RYR2: variants seen among roughly 807,000 people sequenced by gnomAD.
The protein encoded by RYR2 is ryanodine receptor 2.
In RYR2, 227 loss-of-function variants were observed where a neutral mutation model predicts 601.1. The observed-to-expected ratio is 0.38, with a 90% CI of 0.34 to 0.42. The LOEUF (loss-of-function observed/expected upper bound fraction) is 0.42, where lower values mean the gene tolerates loss of function less well. RYR2 is among the 10% of genes least tolerant of loss of function. RYR2 has a pLI of 1.00. For missense variants in RYR2, 4,646 were observed against 6,156.5 expected (o/e 0.75, Z 8.21); for synonymous variants, 2,223 against 2,175.1 (o/e 1.02, Z -0.61).
chr1:237,788,271 C>T (rs991374570), intron 92 of RYR2, 136 bp downstream of exon 92: 3 of 643,460 alleles, frequency 4.7e-6, no homozygotes, highest in Admixed American at 3.1e-5. Context: ...TTGATTTGCT[C>T]ATTGTAGTGT....
chr1:237,232,171 T>C (rs1685068819), intron 1 of RYR2, among the ~76,000 whole-genome samples: 2 of 152,152 alleles, frequency 1.3e-5, no homozygotes, highest in Admixed American at 6.5e-5. Flanking sequence ...AATGAACTGA[T>C]TGATGGCTTG....
intron 13 of RYR2, 132 bp from the exon 14 acceptor site, chr1:237,445,269 C>A (rs569658892): frequency 8.5e-6 from 9 of 1,054,682 alleles, no homozygotes; most frequent in Non-Finnish European, 1.2e-5. Context: ...AACGTAACAG[C>A]TTCACAGTCC....
At chr1:237,515,812 TCCTC>T (rs1666438434) in intron 24 of RYR2, among the ~76,000 whole-genome samples, 1 of 103,196 alleles carries the variant, frequency 9.7e-6, no homozygotes, top group Non-Finnish European at 2.2e-5. Flanking sequence ...CTTCTCCTCC[TCCTC>T]CCTCTTCTCT....
rs2149245188 is a variant in RYR2 at position 237,750,820 on chromosome 1, T to C, written c.11146-5468T>C. Among the ~76,000 whole-genome samples the C allele has an allele frequency of 1.3e-5, 2 of 152,252 alleles. 1 individual carries two copies. The highest frequency in any genetic ancestry group is 6.8e-3 in the Middle Eastern group (2 of 294). On this transcript the variant is annotated intron_variant, in intron 80 of 104. Coordinates refer to ENST00000366574, the MANE Select transcript of RYR2 (RefSeq NM_001035.3). ...AATGGCTACCAAGTATCTGGAAGAA[T>C]TGAAGAAATACATATGTACCACCTT...
intron 1 of RYR2, among the ~76,000 whole-genome samples, chr1:237,168,071 G>A (rs1370656532): frequency 2.0e-5 from 3 of 152,174 alleles, no homozygotes; most frequent in Non-Finnish European, 4.4e-5. Context: ...TTGAGATACT[G>A]ATCTCAGGAG....
intron 1 of RYR2, among the ~76,000 whole-genome samples, chr1:237,145,956 T>TG (rs1673953687): frequency 6.6e-6 from 1 of 152,246 alleles, no homozygotes; most frequent in South Asian, 2.1e-4. Flanking sequence ...ACAAAAATCC[T>TG]GTGTAAGACT....
chr1:237,779,502 A>AAAAG (rs1417349312), intron 88 of RYR2, among the ~76,000 whole-genome samples: 10 of 152,212 alleles, frequency 6.6e-5, no homozygotes, highest in African/African-American at 2.4e-4. Flanking sequence ...ATGTCAGATT[A>AAAAG]AAAGACAGAA....
chr1:237,788,739 C>T (rs954521691), intron 92 of RYR2, among the ~76,000 whole-genome samples: 3 of 152,102 alleles, frequency 2.0e-5, no homozygotes, highest in Non-Finnish European at 4.4e-5. Flanking sequence ...TATATACTGT[C>T]CTGTACATTT....
At chr1:237,424,821 T>A (rs1404921816) in intron 12 of RYR2, among the ~76,000 whole-genome samples, 2 of 152,186 alleles carry the variant, frequency 1.3e-5, no homozygotes, top group East Asian at 3.9e-4. Context: ...AGCATAAACA[T>A]AAATATTTAT....
At chr1:237,831,372 C>A in intron 103 of RYR2, 142 bp from the exon 104 acceptor site, 1 of 576,372 alleles carries the variant, frequency 1.7e-6, no homozygotes, top group Non-Finnish European at 3.0e-6. Flanking sequence ...TTCTGGTACA[C>A]TAATTTTTCC....
intron 54 of RYR2, among the ~76,000 whole-genome samples, chr1:237,659,061 T>C (rs897620635): frequency 2.0e-5 from 3 of 152,196 alleles, no homozygotes; most frequent in Non-Finnish European, 2.9e-5. Flanking sequence ...AATACTTCTA[T>C]ATTGGTTTGG....
At chr1:237,461,459 C>G (rs1659470495) in intron 16 of RYR2, among the ~76,000 whole-genome samples, 2 of 152,058 alleles carry the variant, frequency 1.3e-5, no homozygotes. Context: ...CACCAGCAAC[C>G]AGATGTTGCT....
chr1:237,282,997 T>C (rs1041506212), intron 2 of RYR2, among the ~76,000 whole-genome samples: 2 of 152,170 alleles, frequency 1.3e-5, no homozygotes, highest in African/African-American at 2.4e-5. Context: ...CTGTTGCCAC[T>C]TGCCAATTTG....
chr1:237,655,739 C>A, intron 52 of RYR2, 82 bp from the exon 53 acceptor site: 1 of 1,329,324 alleles, frequency 7.5e-7, no homozygotes, highest in Non-Finnish European at 1.0e-6. Context: ...TTTTCTTCTG[C>A]AACCTTCTGT....
intron 1 of RYR2, among the ~76,000 whole-genome samples, chr1:237,084,576 G>C (rs1666096897): frequency 6.6e-6 from 1 of 152,152 alleles, no homozygotes; most frequent in Non-Finnish European, 1.5e-5. Context: ...AAAGGCGGGG[G>C]AGGGGTAGTT....
At chr1:237,404,527 A>T (rs1055128323) in intron 10 of RYR2, among the ~76,000 whole-genome samples, 1 of 152,218 alleles carries the variant, frequency 6.6e-6, no homozygotes, top group African/African-American at 2.4e-5. Flanking sequence ...AGAAACCTGG[A>T]GTAGGACAAA....
intron 100 of RYR2, among the ~76,000 whole-genome samples, chr1:237,818,560 T>C (rs188379697): frequency 6.6e-6 from 1 of 152,218 alleles, no homozygotes; most frequent in East Asian, 1.9e-4. Flanking sequence ...TTCAGCATCA[T>C]ATTTCATATA....
chr1:237,679,248 C>T (rs574378375), intron 61 of RYR2, among the ~76,000 whole-genome samples: 60 of 152,208 alleles, frequency 3.9e-4, no homozygotes, highest in Non-Finnish European at 5.0e-4. Flanking sequence ...TTGTGTTGCC[C>T]GTATACTCAG....
chr1:237,325,474 G>T (rs1696063554), intron 2 of RYR2, among the ~76,000 whole-genome samples: 1 of 152,100 alleles, frequency 6.6e-6, no homozygotes, highest in South Asian at 2.1e-4. Flanking sequence ...GGATCATGAG[G>T]TCAGGAGATC....
Sources: gnomAD v4.1 joint callset for allele counts (sites outside exome capture counted in the v4.1 genomes callset) on GRCh38, gnomAD v4.1.1 for gene constraint, MANE v1.5 for transcripts, NCBI Gene and HGNC (gene_info 2026-07-23, HGNC 2026-07-21) for gene names.